Variants in TPP2 observed in about 807,000 individuals in gnomAD.
TPP2 encodes the protein tripeptidyl peptidase 2, also known as tripeptidyl-peptidase 2.
TPP2 carries 34 observed loss-of-function variants against 155.9 expected under a neutral mutation model. The ratio of observed to expected loss-of-function variants is 0.22; its 90% confidence interval spans 0.17 to 0.29. The LOEUF is 0.29. Ranked by LOEUF, TPP2 falls within the 10% of genes least tolerant of loss-of-function variation. TPP2 has a pLI of 1.00. For missense variants in TPP2, 1,028 were observed against 1,522.3 expected, an observed-to-expected ratio of 0.68 and a Z score of 5.40; for synonymous variants, 510 against 529.4, an observed-to-expected ratio of 0.96 and a Z score of 0.50.
chr13:102,647,222 G>T lies in TPP2; in HGVS notation c.2506G>T (p.Val836Leu). 6.2e-7 allele frequency: 1 copy of T among 1,612,580 alleles called. No individual in the cohort carries two copies. ...YNFHQPKSGE[V>L]TPSCPLLCEL... is the part of the protein sequence containing the mutation. ...TTTTTAATAGCCCAAGAGTGGGGAA[G>T]TAACTCCAAGCTGCCCACTACTTTG... Residue 836 changes from valine (V) to leucine (L), a missense_variant, in exon 21 of 30, where the codon GTA (valine) becomes TTA (leucine). Val to Leu is a conservative substitution (Grantham distance 32, BLOSUM62 1). Coordinates refer to ENST00000376052, the MANE Select transcript of TPP2 (RefSeq NM_001330588.2).
intron 25 of TPP2, among the ~76,000 whole-genome samples, chr13:102,658,317 A>G (rs1043765700): frequency 5.5e-4 from 83 of 152,234 alleles, no homozygotes; most frequent in African/African-American, 1.9e-3. Context: ...AGATTGAACC[A>G]TTGTAATGTC....
At chr13:102,629,436 G>A (rs1373549855) in intron 8 of TPP2, 46 bp from the exon 9 acceptor site, 9 of 1,443,054 alleles carry the variant, frequency 6.2e-6, no homozygotes, top group Non-Finnish European at 7.2e-6. Context: ...ATACACTTTG[G>A]GAATAGAGGC....
intron 29 of TPP2, among the ~76,000 whole-genome samples, chr13:102,677,671 C>G (rs1223132871): frequency 6.6e-6 from 1 of 152,188 alleles, no homozygotes; most frequent in African/African-American, 2.4e-5. Context: ...TCTTGTCATT[C>G]AAACTCAACT....
At chr13:102,661,058 T>C (rs694941) in intron 25 of TPP2, among the ~76,000 whole-genome samples, 98,238 of 151,856 alleles carry the variant, frequency 0.65, 33,106 homozygotes, top group African/African-American at 0.86. Context: ...CATGACCTTA[T>C]ATTTGGCAAA....
Position 102,678,348 on chromosome 13 carries a change from G to A in TPP2, c.*32G>A. ...AAACAAGACTTTAAATTTTAAAAAA[G>A]GAAGTTTTATAGTGAATGGGTATAA... On this transcript the variant is annotated 3_prime_UTR_variant, in exon 30 of 30. Transcript: ENST00000376052. The A allele has an allele frequency of 6.3e-7, 1 of 1,596,268 alleles. No homozygotes were observed. The highest frequency in any genetic ancestry group is 1.7e-4 in the Middle Eastern group (1 of 5,934).
intron 7 of TPP2, 130 bp from the exon 8 acceptor site, chr13:102,627,718 C>G: frequency 1.6e-6 from 1 of 639,722 alleles, no homozygotes; most frequent in East Asian, 3.0e-5. Flanking sequence ...TGGTGATATG[C>G]CTGGAGGTAA....
intron 4 of TPP2, 40 bp from the exon 5 acceptor site, chr13:102,618,682 A>G (rs1880928428): frequency 6.2e-7 from 1 of 1,605,388 alleles, no homozygotes; most frequent in Non-Finnish European, 8.5e-7. Context: ...TTTTAGAAGG[A>G]CAGAATGTAC....
At chr13:102,616,973 T>C (rs1880784991) in intron 4 of TPP2, among the ~76,000 whole-genome samples, 1 of 151,486 alleles carries the variant, frequency 6.6e-6, no homozygotes, top group Non-Finnish European at 1.5e-5. Flanking sequence ...TGCAGTGGTG[T>C]GATCTCGGCT....
chr13:102,674,647 T>C (rs1337703129), intron 28 of TPP2, among the ~76,000 whole-genome samples, 157 bp downstream of exon 28: 1 of 152,244 alleles, frequency 6.6e-6, no homozygotes, highest in Non-Finnish European at 1.5e-5. Context: ...CATGTTTGTC[T>C]CACCTTTTTT....
At chr13:102,666,155 G>C (rs1347457554) in intron 27 of TPP2, among the ~76,000 whole-genome samples, 1 of 152,150 alleles carries the variant, frequency 6.6e-6, no homozygotes, top group Admixed American at 6.5e-5. Context: ...TGGAAGGCAG[G>C]GGCCTTTGTA....
Position 102,636,259 on chromosome 13 carries a change from A to G in TPP2, c.1545A>G (p.Thr515=), listed in dbSNP as rs372137414. The G allele has an allele frequency of 1.1e-5, 18 of 1,613,470 alleles. No individual in the cohort carries two copies. In the African/African-American group the frequency reaches 1.7e-4, roughly 16 times the overall value. ...CCTATGACTACCTCGTTCAGAATAC[A>G]TCATTTGCTAATAAATTAGGTTTTA... ...DKAYDYLVQN[T]SFANKLGFTV... The change falls in exon 13 of 30, where the codon ACA becomes ACG. Residue 515 remains threonine, a synonymous_variant. Coordinates refer to ENST00000376052, the MANE Select transcript of TPP2 (RefSeq NM_001330588.2).
intron 11 of TPP2, among the ~76,000 whole-genome samples, 176 bp downstream of exon 11, chr13:102,634,274 T>G (rs1352277767): frequency 6.6e-6 from 1 of 152,226 alleles, no homozygotes; most frequent in Non-Finnish European, 1.5e-5. Flanking sequence ...TTCAGCAGTA[T>G]ATTTGTTGGC....
At chr13:102,674,047 C>CA (rs1317374840) in intron 27 of TPP2, among the ~76,000 whole-genome samples, 3 of 152,162 alleles carry the variant, frequency 2.0e-5, no homozygotes, top group Admixed American at 1.3e-4. Context: ...CATTCCGTTT[C>CA]AACCAGGTGC....
chr13:102,674,619 A>G, intron 28 of TPP2, 129 bp downstream of exon 28: 1 of 881,670 alleles, frequency 1.1e-6, no homozygotes, highest in East Asian at 2.7e-5. Flanking sequence ...TGAATATGAC[A>G]TGTTTAGCCT....
intron 1 of TPP2, among the ~76,000 whole-genome samples, chr13:102,604,094 C>T (rs545072203): frequency 6.6e-6 from 1 of 152,096 alleles, no homozygotes; most frequent in Non-Finnish European, 1.5e-5. Context: ...GATGGCAAAG[C>T]CTGGAGAAAA....
At chr13:102,647,839 T>A (rs1019862136) in intron 21 of TPP2, among the ~76,000 whole-genome samples, 1 of 152,228 alleles carries the variant, frequency 6.6e-6, no homozygotes, top group African/African-American at 2.4e-5. Context: ...TGCTTTGTGC[T>A]GTTTTATTGA....
At chr13:102,663,389 G>A (rs531211380) in intron 25 of TPP2, among the ~76,000 whole-genome samples, 3 of 152,176 alleles carry the variant, frequency 2.0e-5, no homozygotes, top group South Asian at 2.1e-4. Flanking sequence ...CTTGTGATCC[G>A]CCTGCCTTGG....
rs1237682231 is a variant in TPP2, at chr13:102,637,078, C to T, written c.1679-4C>T. The T allele has an allele frequency of 1.9e-6, 3 of 1,568,306 alleles. No individual in the cohort carries two copies. Among genetic ancestry groups the T allele is most frequent in the Non-Finnish European group, 2.6e-6 (3 of 1,164,170 alleles). On this transcript the variant is annotated splice_region_variant and splice_polypyrimidine_tract_variant and intron_variant, in intron 13 of 29. Transcript: ENST00000376052. ...TCTTTAATTTTTGGTCTTTTTCGTG[C>T]CAGAAAACTCTGAAAAAATATCCCT... is the stretch of plus-strand genomic sequence containing the variant.
chr13:102,605,537 T>C (rs978621409), intron 2 of TPP2, among the ~76,000 whole-genome samples: 2 of 152,188 alleles, frequency 1.3e-5, no homozygotes, highest in East Asian at 1.9e-4. Flanking sequence ...TATTTTTCAG[T>C]GAGCTTGCCA....
Sources: gnomAD v4.1 joint callset for allele counts (sites outside exome capture counted in the v4.1 genomes callset) on GRCh38, gnomAD v4.1.1 for gene constraint, MANE v1.5 for transcripts, NCBI Gene and HGNC (gene_info 2026-07-23, HGNC 2026-07-21) for gene names.